Variants in DTNB observed in about 807,000 individuals in gnomAD.
DTNB encodes the protein dystrobrevin beta.
A neutral mutation model predicts 90.7 loss-of-function variants in DTNB; 63 were observed. The observed-to-expected ratio is 0.69, with a 90% CI of 0.57 to 0.86. DTNB has a LOEUF of 0.86. Ranked by LOEUF, DTNB falls within the 40% of genes least tolerant of loss-of-function variation. The pLI, the probability that DTNB is intolerant of heterozygous loss-of-function variation, is 0.00. For synonymous variants in DTNB, 277 were observed against 286.7 expected, an observed-to-expected ratio of 0.97 and a Z score of 0.34; for missense variants, 744 against 807.1, an observed-to-expected ratio of 0.92 and a Z score of 0.95.
intron 4 of DTNB, among the ~76,000 whole-genome samples, chr2:25,611,647 GA>G (rs1209252767): frequency 2.0e-5 from 3 of 152,100 alleles, no homozygotes. Context: ...ATGCCTTCAA[GA>G]AGAAGTCCGT....
intron 4 of DTNB, among the ~76,000 whole-genome samples, chr2:25,621,420 G>A (rs551886150): frequency 6.6e-6 from 1 of 150,652 alleles, no homozygotes; most frequent in East Asian, 2.0e-4. Flanking sequence ...CTTTTTAAAT[G>A]GATTCAAATT....
At chr2:25,569,064 G>A (rs1364188790) in intron 8 of DTNB, among the ~76,000 whole-genome samples, 1 of 152,180 alleles carries the variant, frequency 6.6e-6, no homozygotes, top group Non-Finnish European at 1.5e-5. Flanking sequence ...CCCAGTGTCT[G>A]TTCCAGCAGA....
chr2:25,655,703 G>T lies in DTNB; in HGVS notation c.-1-3042C>A, dbSNP rs371269826. Among the ~76,000 whole-genome samples the T allele has an allele frequency of 1.1e-4, 17 of 152,272 alleles. No homozygotes were observed. In the East Asian group the frequency reaches 1.7e-3, roughly 16 times the overall value. On this transcript the variant is annotated intron_variant, in intron 1 of 20. Transcript: ENST00000406818. ...AAATTGAAAATCCCGGAACTGCATGGCAAGGTATTAAGGAAGGAGTCAAAA... is the reference window on the plus strand; with the variant it reads ...AAATTGAAAATCCCGGAACTGCATGTCAAGGTATTAAGGAAGGAGTCAAAA...
At chr2:25,633,175 C>T (rs1304177031) in intron 3 of DTNB, among the ~76,000 whole-genome samples, 1 of 152,214 alleles carries the variant, frequency 6.6e-6, no homozygotes, top group Non-Finnish European at 1.5e-5. Flanking sequence ...CTCTCCCTCT[C>T]CCTCTCCCTC....
chr2:25,383,352 G>C (rs1173507649), intron 19 of DTNB, among the ~76,000 whole-genome samples: 1 of 151,682 alleles, frequency 6.6e-6, no homozygotes, highest in Non-Finnish European at 1.5e-5. Flanking sequence ...AAGTAGCTGG[G>C]ACTACAGGCG....
intron 18 of DTNB, among the ~76,000 whole-genome samples, chr2:25,385,766 A>G (rs1465075224): frequency 6.6e-6 from 1 of 152,202 alleles, no homozygotes; most frequent in African/African-American, 2.4e-5. Context: ...ACTATGAGAC[A>G]CTGCTGAGGA....
chr2:25,622,264 A>C (rs2072927088), intron 4 of DTNB, among the ~76,000 whole-genome samples: 1 of 152,208 alleles, frequency 6.6e-6, no homozygotes, highest in Non-Finnish European at 1.5e-5. Flanking sequence ...CGGGTGGATC[A>C]CTTGAGGCCA....
chr2:25,412,961 C>T (rs986102632), intron 16 of DTNB, among the ~76,000 whole-genome samples: 3 of 152,214 alleles, frequency 2.0e-5, no homozygotes, highest in Non-Finnish European at 4.4e-5. Flanking sequence ...CCCTCTGTAA[C>T]ATGCTGATGA....
intron 4 of DTNB, among the ~76,000 whole-genome samples, chr2:25,609,512 T>A (rs2067937677): frequency 6.6e-6 from 1 of 151,066 alleles, no homozygotes; most frequent in Admixed American, 6.6e-5. Context: ...GCAGGAAAAT[T>A]GCTTGAACCC....
chr2:25,420,022 T>C (rs2049008027), intron 15 of DTNB, among the ~76,000 whole-genome samples: 1 of 152,202 alleles, frequency 6.6e-6, no homozygotes, highest in Non-Finnish European at 1.5e-5. Context: ...ACCTGGGAAC[T>C]TGTCAGAGAT....
chr2:25,438,719 A>G (rs1180596108), intron 12 of DTNB, among the ~76,000 whole-genome samples: 1 of 152,198 alleles, frequency 6.6e-6, no homozygotes, highest in African/African-American at 2.4e-5. Context: ...GTGCATAGTG[A>G]CTTCCTTCCG....
chr2:25,510,706 C>A (rs1390763985), intron 9 of DTNB, among the ~76,000 whole-genome samples: 1 of 152,122 alleles, frequency 6.6e-6, no homozygotes, highest in Non-Finnish European at 1.5e-5. Context: ...CAGGGTTTCA[C>A]CATGTTGGCC....
chr2:25,453,688 C>A (rs2059595785), intron 11 of DTNB, among the ~76,000 whole-genome samples: 1 of 152,164 alleles, frequency 6.6e-6, no homozygotes, highest in Non-Finnish European at 1.5e-5. Flanking sequence ...ATTTGTCTTG[C>A]CTAGGGTGAA....
intron 1 of DTNB, among the ~76,000 whole-genome samples, chr2:25,661,849 C>A (rs2083239560): frequency 6.6e-6 from 1 of 152,040 alleles, no homozygotes. Context: ...AAAGCAGTAT[C>A]TAGTAATATT....
intron 10 of DTNB, among the ~76,000 whole-genome samples, chr2:25,464,571 C>T (rs574182694): frequency 4.0e-5 from 6 of 151,100 alleles, no homozygotes; most frequent in South Asian, 2.1e-4. Flanking sequence ...CCTCTCCAGG[C>T]GAGTAGAGCT....
At chr2:25,492,479 T>C (rs1183657527) in intron 9 of DTNB, among the ~76,000 whole-genome samples, 3 of 152,192 alleles carry the variant, frequency 2.0e-5, no homozygotes, top group Non-Finnish European at 2.9e-5. Flanking sequence ...GGGTAAACAA[T>C]GTCTGGATAG....
At chr2:25,604,373 TTC>T (rs2066597570) in intron 5 of DTNB, among the ~76,000 whole-genome samples, 1 of 148,358 alleles carries the variant, frequency 6.7e-6, no homozygotes, top group African/African-American at 2.5e-5. Context: ...TTTCTTTCTT[TTC>T]TTTTTTTTCT....
chr2:25,417,564 A>G (rs2048284947), intron 16 of DTNB, among the ~76,000 whole-genome samples: 3 of 152,182 alleles, frequency 2.0e-5, no homozygotes, highest in Admixed American at 2.0e-4. Context: ...GGGTGTTTCC[A>G]GTCTGTGCTC....
chr2:25,570,735 C>G (rs1270183118), intron 8 of DTNB, among the ~76,000 whole-genome samples: 3 of 152,182 alleles, frequency 2.0e-5, no homozygotes, highest in Admixed American at 2.0e-4. Context: ...CAGGATCTTC[C>G]TCTTCTCCCA....
Sources: gnomAD v4.1 joint callset for allele counts (sites outside exome capture counted in the v4.1 genomes callset) on GRCh38, gnomAD v4.1.1 for gene constraint, MANE v1.5 for transcripts, NCBI Gene and HGNC (gene_info 2026-07-23, HGNC 2026-07-21) for gene names.